The following TRPM6 variants were observed in gnomAD, a reference collection of about 807,000 sequenced individuals.
The protein encoded by TRPM6 is transient receptor potential cation channel subfamily M member 6, also known as channel kinase 2.
A neutral mutation model predicts 247.6 loss-of-function variants in TRPM6; 111 were observed. The ratio of observed to expected loss-of-function variants is 0.45; its 90% CI spans 0.38 to 0.52. The LOEUF (loss-of-function observed/expected upper bound fraction) is 0.52, where lower values mean the gene tolerates loss of function less well. Among genes scored for constraint, TRPM6 ranks in the 20% least tolerant of loss-of-function variants. The pLI, the probability that TRPM6 is intolerant of heterozygous loss-of-function variation, is 0.00. For missense variants in TRPM6, 2,126 were observed against 2,421.5 expected (o/e 0.88, Z 2.56); for synonymous variants, 892 against 853.8 (o/e 1.04, Z -0.78).
intron 24 of TRPM6, among the ~76,000 whole-genome samples, chr9:74,773,993 G>C (rs1827132996): frequency 1.3e-5 from 2 of 152,120 alleles, no homozygotes; most frequent in Admixed American, 1.3e-4. Flanking sequence ...ACCTTATGTG[G>C]ATCCCTGAGA....
At chr9:74,786,234 T>C (rs1291005224) in intron 20 of TRPM6, 109 bp from the exon 21 acceptor site, 2 of 1,234,296 alleles carry the variant, frequency 1.6e-6, no homozygotes, top group African/African-American at 3.0e-5. Context: ...ATCTAAAACC[T>C]GCCAAACCTT....
chr9:74,810,791 T>C (rs1828702078), intron 13 of TRPM6, 24 bp downstream of exon 13: 1 of 1,609,628 alleles, frequency 6.2e-7, no homozygotes, highest in African/African-American at 1.3e-5. Flanking sequence ...CAAAGACATG[T>C]TCACGCCTTC....
In TRPM6 at chr9:74,840,137, C is replaced by T. The variant is rs1829881928; in HGVS notation, c.431G>A (p.Gly144Glu). Residue 144 changes from glycine to glutamate, a missense_variant, in exon 5 of 39, where the codon GGG becomes GAG. This residue lies in a region of TRPM6 where 1,082 missense variants were observed against 1,307.9 expected (regional missense o/e 0.83). Coordinates refer to ENST00000360774, the MANE Select transcript of TRPM6 (RefSeq NM_017662.5). ...GGGCATAGTAAAGTTCTGGATGCCC[C>T]CATGGACTGAGATCACAAGCTTGGG... Reference protein sequence around the residue: ...ELPKLVISVHGGIQNFTMPSK... With the variant: ...ELPKLVISVHEGIQNFTMPSK... 2 of 1,613,626 alleles carry T rather than the reference C, an allele frequency of 1.2e-6. No homozygotes were observed. The highest frequency in any genetic ancestry group is 1.7e-6 in the Non-Finnish European group (2 of 1,179,694).
intron 36 of TRPM6, chr9:74,737,505 A>T: frequency 2.1e-5 from 21 of 1,014,082 alleles, no homozygotes; most frequent in Non-Finnish European, 2.7e-5. Context: ...ACAAACCATA[A>T]GATGGTTATA....
rs780798466 is a variant in TRPM6 at position 74,762,153 on chromosome 9, C to T, written c.4518G>A (p.Ser1506=). ...DSSLSDNSTR[S]AQSSECSEVG... is the part of the protein sequence containing the mutation. ...CCTCTGAGCATTCACTACTCTGGGC[C>T]GATCTTGTTGAGTTATCAGATAGGG... Residue 1506 remains serine (S), a synonymous_variant, in exon 26 of 39, where the codon TCG becomes TCA. Coordinates refer to ENST00000360774, the MANE Select transcript of TRPM6 (RefSeq NM_017662.5). The T allele has an allele frequency of 5.0e-6, 8 of 1,614,182 alleles. No individual in the cohort carries two copies. The highest frequency in any genetic ancestry group is 3.3e-5 in the South Asian group (3 of 91,082).
At chr9:74,732,146 C>T (rs1587448553) in intron 37 of TRPM6, among the ~76,000 whole-genome samples, 1 of 152,302 alleles carries the variant, frequency 6.6e-6, no homozygotes, top group East Asian at 1.9e-4. Context: ...AGTCATCTCT[C>T]TATAGAATTT....
At chr9:74,804,084 C>G (rs1828444677) in intron 14 of TRPM6, among the ~76,000 whole-genome samples, 198 bp from the exon 15 acceptor site, 1 of 152,126 alleles carries the variant, frequency 6.6e-6, no homozygotes, top group Non-Finnish European at 1.5e-5. Flanking sequence ...ACAAGAGCCT[C>G]TAATGATCTC....
chr9:74,773,157 C>G (rs1292203645), intron 24 of TRPM6, among the ~76,000 whole-genome samples: 2 of 152,044 alleles, frequency 1.3e-5, no homozygotes, highest in Non-Finnish European at 2.9e-5. Context: ...ACAACAAAAA[C>G]CCTACCAATC....
chr9:74,727,013 T>A (rs1182499472), intron 38 of TRPM6, among the ~76,000 whole-genome samples: 1 of 152,042 alleles, frequency 6.6e-6, no homozygotes, highest in Non-Finnish European at 1.5e-5. Context: ...TGCATTTTGA[T>A]CTCCCCACCC....
chr9:74,736,435 A>T (rs1311432061), intron 36 of TRPM6, among the ~76,000 whole-genome samples: 1 of 152,230 alleles, frequency 6.6e-6, no homozygotes, highest in African/African-American at 2.4e-5. Flanking sequence ...AACTAAAACC[A>T]TTAAGAGATT....
At chr9:74,872,275 C>T (rs1831051278) in intron 1 of TRPM6, among the ~76,000 whole-genome samples, 1 of 151,240 alleles carries the variant, frequency 6.6e-6, no homozygotes, top group Admixed American at 6.6e-5. Flanking sequence ...CATGAGCCAC[C>T]ACACTCAGCC....
intron 5 of TRPM6, 92 bp from the exon 6 acceptor site, chr9:74,834,214 T>G: frequency 6.8e-7 from 1 of 1,478,984 alleles, no homozygotes; most frequent in Non-Finnish European, 9.4e-7. Context: ...TAGGCAAGCA[T>G]ATGCAAGGGC....
At chr9:74,825,070 G>A (rs962656562) in intron 7 of TRPM6, among the ~76,000 whole-genome samples, 3 of 152,106 alleles carry the variant, frequency 2.0e-5, no homozygotes, top group Non-Finnish European at 4.4e-5. Flanking sequence ...GACCAGCCTG[G>A]CCAACATGGT....
intron 1 of TRPM6, among the ~76,000 whole-genome samples, chr9:74,876,353 G>A (rs573756192): frequency 2.0e-5 from 3 of 152,208 alleles, no homozygotes; most frequent in African/African-American, 7.2e-5. Context: ...CAAGTGCTGG[G>A]ATTACAGGTG....
intron 25 of TRPM6, among the ~76,000 whole-genome samples, chr9:74,767,707 G>A (rs920766844): frequency 3.3e-5 from 5 of 152,142 alleles, no homozygotes; most frequent in Admixed American, 6.5e-5. Context: ...GGTAACTCAC[G>A]CCTGTAATCC....
chr9:74,838,780 C>T (rs1447059488), intron 5 of TRPM6, among the ~76,000 whole-genome samples: 2 of 151,672 alleles, frequency 1.3e-5, no homozygotes, highest in Non-Finnish European at 2.9e-5. Flanking sequence ...CAGGGCATGC[C>T]AAATCAAAAG....
At chr9:74,736,795 C>T (rs1218991519) in intron 36 of TRPM6, among the ~76,000 whole-genome samples, 1 of 152,152 alleles carries the variant, frequency 6.6e-6, no homozygotes, top group East Asian at 1.9e-4. Context: ...CTTTTTCCCT[C>T]AAGACTGTCA....
At position 74,762,398 on chromosome 9, in the gene TRPM6, G is replaced by A. The variant is rs749160385; in HGVS notation, c.4273C>T (p.Pro1425Ser). 4.3e-6 allele frequency: 7 copies of A among 1,614,190 alleles called. No individual in the cohort carries two copies. The highest frequency in any genetic ancestry group is 1.6e-4 in the Middle Eastern group (1 of 6,062). The part of the protein sequence containing the change: ...DGQDKAEQVL[P>S]TLSCTPEPMT... ...GGTTCAGGTGTGCAACTCAAAGTGGGTAGCACTTGCTCTGCCTTGTCTTGT... is the reference window on the plus strand; with the variant it reads ...GGTTCAGGTGTGCAACTCAAAGTGGATAGCACTTGCTCTGCCTTGTCTTGT... Residue 1425 changes from proline to serine, a missense_variant, in exon 26 of 39, where the codon CCC becomes TCC. Pro to Ser is a moderately conservative substitution (Grantham distance 74). This residue lies in a region of TRPM6 where 717 missense variants were observed against 715.9 expected (regional missense o/e 1.00). Transcript: ENST00000360774.
At chr9:74,834,841 G>A (rs991744311) in intron 5 of TRPM6, among the ~76,000 whole-genome samples, 1 of 152,068 alleles carries the variant, frequency 6.6e-6, no homozygotes, top group Non-Finnish European at 1.5e-5. Context: ...TATCCCTGAT[G>A]GACATTTGAG....
Sources: gnomAD v4.1 joint callset for allele counts (sites outside exome capture counted in the v4.1 genomes callset) on GRCh38, gnomAD v4.1.1 for gene constraint, gnomAD v4.1.1 regional missense constraint, MANE v1.5 for transcripts, NCBI Gene and HGNC (gene_info 2026-07-23, HGNC 2026-07-21) for gene names.